NEDD4: variants seen among roughly 807,000 people sequenced by gnomAD.
NEDD4 encodes E3 ubiquitin-protein ligase NEDD4.
A neutral mutation model predicts 144.9 loss-of-function variants in NEDD4; 99 were observed. The observed-to-expected ratio is 0.68, with a 90% CI of 0.58 to 0.81. The LOEUF (loss-of-function observed/expected upper bound fraction) is 0.81, where lower values mean the gene tolerates loss of function less well. Among genes scored for constraint, NEDD4 ranks in the 30% least tolerant of loss-of-function variants. NEDD4 has a pLI of 0.00. For missense variants in NEDD4, 985 were observed against 1,065.9 expected (o/e 0.92, Z 1.06); for synonymous variants, 318 against 350.6 (o/e 0.91, Z 1.04).
rs529792079 is a variant in NEDD4 at position 55,890,728 on chromosome 15, C to T, written c.292-16720G>A. ...AGAATTTGCTAAAAATCTGCCAGACCGTTTTCCAAAGTTGCTGCATCATTT... is the reference window on the plus strand; with the variant it reads ...AGAATTTGCTAAAAATCTGCCAGACTGTTTTCCAAAGTTGCTGCATCATTT... On this transcript the variant is annotated intron_variant, in intron 5 of 28. Transcript: ENST00000435532. 4.6e-5 allele frequency among the ~76,000 whole-genome samples: 7 copies of T among 152,280 alleles called. No individual in the cohort carries two copies. The South Asian group carries it at 6.2e-4, about 14-fold the overall frequency.
chr15:55,857,462 G>A (rs1336808755), intron 11 of NEDD4, among the ~76,000 whole-genome samples: 1 of 152,052 alleles, frequency 6.6e-6, no homozygotes, highest in East Asian at 1.9e-4. Context: ...CCGAGTAGCT[G>A]GGATTACAGA....
intron 1 of NEDD4, among the ~76,000 whole-genome samples, chr15:55,986,171 T>C (rs1187708764): frequency 6.6e-6 from 1 of 152,164 alleles, no homozygotes; most frequent in Non-Finnish European, 1.5e-5. Context: ...TCTTCTTACA[T>C]AGAATGCCAA....
intron 11 of NEDD4, among the ~76,000 whole-genome samples, chr15:55,857,311 A>C (rs1303303129): frequency 6.6e-6 from 1 of 152,090 alleles, no homozygotes; most frequent in Non-Finnish European, 1.5e-5. Context: ...GTAAGATAGA[A>C]GGTTTAATTT....
intron 2 of NEDD4, among the ~76,000 whole-genome samples, chr15:55,957,919 C>G (rs1237873400): frequency 6.6e-6 from 1 of 152,052 alleles, no homozygotes; most frequent in Non-Finnish European, 1.5e-5. Flanking sequence ...GGGAACTGAA[C>G]AATAACACCT....
At chr15:55,922,170 C>G (rs754613922) in intron 5 of NEDD4, among the ~76,000 whole-genome samples, 1 of 152,058 alleles carries the variant, frequency 6.6e-6, no homozygotes, top group Admixed American at 6.6e-5. Flanking sequence ...GGAAATAACA[C>G]TAATATCTAT....
chr15:55,865,332 T>C (rs2034550619), intron 8 of NEDD4, among the ~76,000 whole-genome samples: 1 of 152,042 alleles, frequency 6.6e-6, no homozygotes, highest in Non-Finnish European at 1.5e-5. Context: ...TCCTACCTCA[T>C]GCCTTATATC....
chr15:55,926,919 T>C (rs2036678945), intron 4 of NEDD4, among the ~76,000 whole-genome samples: 1 of 150,484 alleles, frequency 6.6e-6, no homozygotes, highest in Non-Finnish European at 1.5e-5. Context: ...CTACTAAAAA[T>C]ACAAAAGTTA....
intron 1 of NEDD4, among the ~76,000 whole-genome samples, chr15:55,979,068 A>AAT (rs149994169): frequency 0.14 from 21,693 of 151,090 alleles, 1,733 homozygotes; most frequent in East Asian, 0.32. Context: ...TATTTTTAAA[A>AAT]ATATATATAT....
intron 2 of NEDD4, among the ~76,000 whole-genome samples, 165 bp from the exon 3 acceptor site, chr15:55,951,754 T>C (rs572156803): frequency 6.6e-6 from 1 of 152,126 alleles, no homozygotes; most frequent in African/African-American, 2.4e-5. Context: ...ATTAAAGTAA[T>C]TTTTGCATCT....
At chr15:55,936,212 C>T (rs1009430883) in intron 4 of NEDD4, among the ~76,000 whole-genome samples, 15 of 152,100 alleles carry the variant, frequency 9.9e-5, no homozygotes, top group Non-Finnish European at 2.1e-4. Flanking sequence ...ATTGTTTTCC[C>T]TTCCATAAAG....
Position 55,841,020 on chromosome 15 carries a change from G to A in NEDD4, c.1839-293C>T, listed in dbSNP as rs1224792303. ...ACGGTCACAGCTCACTGCAACCTCC[G>A]CCTCCCAGGTTCAAGTGATTCTCCT... On this transcript the variant is annotated intron_variant, in intron 19 of 28. Coordinates refer to ENST00000435532, the MANE Select transcript of NEDD4 (RefSeq NM_006154.4). Among the ~76,000 whole-genome samples the A allele has an allele frequency of 6.9e-5, 8 of 116,056 alleles. No homozygotes were observed. In the South Asian group the frequency reaches 2.3e-3, roughly 34 times the overall value. The allele number at this position is 116,056 out of a possible 152,430, so 76.1% of individuals were successfully genotyped here. A position where few individuals can be genotyped will look rare whatever the true frequency, so the allele number is the denominator to read the frequency against.
rs759517734 is a variant in NEDD4 at position 55,993,503 on chromosome 15, C to G, written c.45+8G>C. On this transcript the variant is annotated splice_region_variant and intron_variant, in intron 1 of 28. Transcript: ENST00000435532. The stretch of plus-strand genomic sequence containing the variant: ...GAAGCCCGCCCCGCAGCCCCGCGGT[C>G]CCCGCACCTCGTCCTCCAGGAGCCC... 8 of 1,596,280 alleles carry G rather than the reference C, an allele frequency of 5.0e-6. No homozygotes were observed. The highest frequency in any genetic ancestry group is 6.8e-6 in the Non-Finnish European group (8 of 1,173,684).
intron 5 of NEDD4, among the ~76,000 whole-genome samples, chr15:55,902,466 T>C (rs2035941324): frequency 6.6e-6 from 1 of 152,130 alleles, no homozygotes. Context: ...AACGTGTTTA[T>C]GGGTACAATA....
At chr15:55,958,401 T>C (rs766841338) in intron 2 of NEDD4, among the ~76,000 whole-genome samples, 2 of 152,208 alleles carry the variant, frequency 1.3e-5, no homozygotes, top group Admixed American at 6.5e-5. Context: ...TATTGCTACA[T>C]AATGTTTAAT....
intron 2 of NEDD4, among the ~76,000 whole-genome samples, chr15:55,960,241 G>T (rs1157559992): frequency 2.0e-5 from 3 of 151,872 alleles, no homozygotes; most frequent in African/African-American, 7.2e-5. Flanking sequence ...AGGTGTGTCT[G>T]TGAGGGTGTT....
At chr15:55,911,931 G>A (rs1697559360) in intron 5 of NEDD4, among the ~76,000 whole-genome samples, 1 of 152,136 alleles carries the variant, frequency 6.6e-6, no homozygotes, top group South Asian at 2.1e-4. Context: ...CAGTGCTTGG[G>A]ACAGTGCCTG....
At chr15:55,838,439 T>G in intron 22 of NEDD4, 70 bp downstream of exon 22, 1 of 1,032,476 alleles carries the variant, frequency 9.7e-7, no homozygotes. Context: ...ATGTATTAAG[T>G]GTACGTATTA....
At chr15:55,968,071 G>A (rs189269704) in intron 1 of NEDD4, among the ~76,000 whole-genome samples, 43 of 152,224 alleles carry the variant, frequency 2.8e-4, no homozygotes, top group South Asian at 8.3e-4. Context: ...CTATGTTTAC[G>A]TGTGAAAATA....
At chr15:55,941,567 CTTT>C (rs774423759) in intron 4 of NEDD4, among the ~76,000 whole-genome samples, 4 of 140,068 alleles carry the variant, frequency 2.9e-5, no homozygotes, top group Admixed American at 7.2e-5. Flanking sequence ...TGTTAAATTT[CTTT>C]TTTTTTTTTT....
Sources: allele counts gnomAD v4.1 joint callset (sites outside exome capture counted in the v4.1 genomes callset), GRCh38; gene constraint gnomAD v4.1.1; transcripts MANE v1.5; gene names NCBI Gene and HGNC (gene_info 2026-07-23, HGNC 2026-07-21).